The following RBFOX1 variants were observed in gnomAD, a reference collection of about 807,000 sequenced individuals.
The protein encoded by RBFOX1 is RNA binding protein fox-1 homolog 1.
RBFOX1 carries 8 observed loss-of-function variants against 57.7 expected under a neutral mutation model. That is an observed-to-expected ratio of 0.14 (90% CI 0.08 to 0.25). RBFOX1 has a LOEUF of 0.25. Ranked by LOEUF, RBFOX1 falls within the 10% of genes least tolerant of loss-of-function variation. The pLI is 1.00. For synonymous variants in RBFOX1, 326 were observed against 222.4 expected (o/e 1.47, Z -4.15); for missense variants, 611 against 548.5 (o/e 1.11, Z -1.14).
intron 1 of RBFOX1, among the ~76,000 whole-genome samples, chr16:6,114,251 C>G (rs10163244): frequency 1.3e-5 from 2 of 152,012 alleles, no homozygotes; most frequent in African/African-American, 4.8e-5. Flanking sequence ...TAAGAGTGAT[C>G]TCTCATCTGA....
intron 4 of RBFOX1, among the ~76,000 whole-genome samples, chr16:7,269,983 C>G (rs751651820): frequency 2.4e-4 from 36 of 152,156 alleles, no homozygotes; most frequent in Non-Finnish European, 4.1e-4. Flanking sequence ...CTGTTTAAAC[C>G]TTCCCCTTTT....
intron 4 of RBFOX1, among the ~76,000 whole-genome samples, chr16:7,452,417 C>G (rs1004037125): frequency 6.6e-6 from 1 of 152,200 alleles, no homozygotes; most frequent in Non-Finnish European, 1.5e-5. Context: ...TGGCCAGTTG[C>G]TTCATATTCC....
At chr16:5,745,253 C>G (rs140936479) in intron 3 of RBFOX1, among the ~76,000 whole-genome samples, 1 of 152,162 alleles carries the variant, frequency 6.6e-6, no homozygotes, top group Admixed American at 6.5e-5. Context: ...TCATCCATGT[C>G]TCTACAAAGG....
At chr16:5,785,732 G>T (rs564499240) in intron 3 of RBFOX1, among the ~76,000 whole-genome samples, 7 of 152,134 alleles carry the variant, frequency 4.6e-5, no homozygotes, top group African/African-American at 1.7e-4. Context: ...TCTCCATGTT[G>T]TTCAGGTTGG....
intron 3 of RBFOX1, among the ~76,000 whole-genome samples, chr16:7,006,277 C>G (rs1488414765): frequency 2.6e-5 from 4 of 152,048 alleles, no homozygotes; most frequent in Admixed American, 1.3e-4. Context: ...GTCTCAGCCT[C>G]TCGAGTAGCT....
At chr16:7,000,369 C>G (rs916828693) in intron 3 of RBFOX1, among the ~76,000 whole-genome samples, 1 of 152,058 alleles carries the variant, frequency 6.6e-6, no homozygotes, top group Non-Finnish European at 1.5e-5. Context: ...TTTTATTAAA[C>G]TGGTACCACC....
At chr16:7,153,398 C>T (rs887570213) in intron 4 of RBFOX1, among the ~76,000 whole-genome samples, 28 of 152,060 alleles carry the variant, frequency 1.8e-4, no homozygotes, top group African/African-American at 5.5e-4. Flanking sequence ...TCCCACCTTC[C>T]AGGAAAAATT....
intron 1 of RBFOX1, among the ~76,000 whole-genome samples, chr16:6,199,066 A>G (rs1160560746): frequency 6.6e-6 from 1 of 152,124 alleles, no homozygotes; most frequent in Admixed American, 6.6e-5. Context: ...CTTCTGCAGC[A>G]AAGAAATATA....
At chr16:6,153,038 T>C (rs541506837) in intron 1 of RBFOX1, among the ~76,000 whole-genome samples, 184 of 151,214 alleles carry the variant, frequency 1.2e-3, no homozygotes, top group Non-Finnish European at 2.0e-3. Context: ...TTTCTGTTTT[T>C]TTTTTTTTTT....
chr16:6,180,086 G>C (rs748985912), intron 1 of RBFOX1, among the ~76,000 whole-genome samples: 1 of 152,130 alleles, frequency 6.6e-6, no homozygotes, highest in Non-Finnish European at 1.5e-5. Context: ...AAAATATGTA[G>C]ATCTGCAGTA....
chr16:6,093,027 T>C (rs759648810), intron 1 of RBFOX1: 1 of 152,186 alleles, frequency 6.6e-6, no homozygotes, highest in African/African-American at 2.4e-5. Flanking sequence ...GCAATTTACC[T>C]GTATGACAAA....
At chr16:5,548,174 A>AATATATATATATATATATAT (rs71142629) in intron 2 of RBFOX1, among the ~76,000 whole-genome samples, 15 of 33,512 alleles carry the variant, frequency 4.5e-4, no homozygotes, top group Admixed American at 1.0e-3. Flanking sequence ...AAAAAAAAAA[A>AATATATATATATATATATAT]ATATATATAT....
At chr16:7,673,619 TAG>T in intron 13 of RBFOX1, among the ~76,000 whole-genome samples, 1 of 152,294 alleles carries the variant, frequency 6.6e-6, no homozygotes, top group East Asian at 1.9e-4. Context: ...AAAGGACCTC[TAG>T]AGGTTTTGCT....
At chr16:5,439,032 TG>T (rs5815250) in intron 1 of RBFOX1, among the ~76,000 whole-genome samples, 77,201 of 132,924 alleles carry the variant, frequency 0.58, 21,513 homozygotes, top group East Asian at 0.76. Flanking sequence ...TAGAGAATAA[TG>T]GGGGGGGGGG....
intron 3 of RBFOX1, among the ~76,000 whole-genome samples, chr16:6,742,637 A>G (rs1409480598): frequency 6.6e-6 from 1 of 152,230 alleles, no homozygotes; most frequent in Non-Finnish European, 1.5e-5. Flanking sequence ...CGTACTGTGA[A>G]CTACTATTCA....
chr16:6,858,357 G>T (rs781562314), intron 3 of RBFOX1, among the ~76,000 whole-genome samples: 4 of 152,176 alleles, frequency 2.6e-5, no homozygotes, highest in Non-Finnish European at 4.4e-5. Flanking sequence ...GGAAAAAGCA[G>T]AGCAGATTCG....
chr16:7,482,191 T>A (rs2064135162), intron 4 of RBFOX1, among the ~76,000 whole-genome samples: 2 of 152,338 alleles, frequency 1.3e-5, no homozygotes, highest in South Asian at 4.1e-4. Context: ...TTACAGAATC[T>A]AATATATGCA....
chr16:6,773,296 G>T (rs62637735), intron 3 of RBFOX1, among the ~76,000 whole-genome samples: 66,804 of 134,534 alleles, frequency 0.5, 17,079 homozygotes, highest in South Asian at 0.55. Context: ...TGTGGGTGTG[G>T]GGTGCATTTG....
intron 4 of RBFOX1, among the ~76,000 whole-genome samples, chr16:7,474,203 C>G (rs2062146656): frequency 6.6e-6 from 1 of 152,174 alleles, no homozygotes; most frequent in Non-Finnish European, 1.5e-5. Context: ...AGCAGAGTCG[C>G]TTGAACATGG....
Sources: allele counts gnomAD v4.1 joint callset (sites outside exome capture counted in the v4.1 genomes callset), GRCh38; gene constraint gnomAD v4.1.1; transcripts MANE v1.5; gene names NCBI Gene and HGNC (gene_info 2026-07-23, HGNC 2026-07-21).